Variants in AIMP2 observed in about 807,000 individuals in gnomAD.
AIMP2 encodes the protein aminoacyl tRNA synthetase complex interacting multifunctional protein 2.
AIMP2 carries 20 observed loss-of-function variants against 23.4 expected under a neutral mutation model. The ratio of observed to expected loss-of-function variants is 0.85; its 90% confidence interval spans 0.60 to 1.24. The LOEUF (loss-of-function observed/expected upper bound fraction) is 1.24, where lower values mean the gene tolerates loss of function less well. Among genes scored for constraint, AIMP2 ranks in the 50% most tolerant of loss-of-function variants. AIMP2 has a pLI of 0.00. For missense variants in AIMP2, 515 were observed against 414.5 expected, an observed-to-expected ratio of 1.24 and a Z score of -2.10; for synonymous variants, 210 against 170.4, an observed-to-expected ratio of 1.23 and a Z score of -1.81.
chr7:6,009,964 A>ATATAT (rs1554310799), intron 1 of AIMP2, among the ~76,000 whole-genome samples: 19 of 42,978 alleles, frequency 4.4e-4, no homozygotes, highest in African/African-American at 1.6e-3. Context: ...AAAAAAAAAA[A>ATATAT]AAAAAAAAAA....
chr7:6,019,109 C>T (rs1432395343), intron 3 of AIMP2, among the ~76,000 whole-genome samples: 5 of 151,872 alleles, frequency 3.3e-5, no homozygotes, highest in African/African-American at 4.8e-5. Flanking sequence ...AATAATTTCA[C>T]AGCCGCCTCC....
In AIMP2 at chr7:6,015,334, G is replaced by A; in HGVS notation, c.324G>A (p.Leu108=). ...CTTTAACCACCAATGCGCTGGACTT[G>A]AATTCAGTGCTTGGGAAGGTAGGTT... is the stretch of plus-strand genomic sequence containing the variant. The part of the protein sequence containing the change: ...PTTLTTNALD[L]NSVLGKDYGA... Residue 108 remains leucine, a synonymous_variant, in exon 2 of 4, where the codon TTG becomes TTA. Transcript: ENST00000223029. The A allele has an allele frequency of 6.2e-7, 1 of 1,614,134 alleles. No homozygotes were observed. Among genetic ancestry groups the A allele is most frequent in the Non-Finnish European group, 8.5e-7 (1 of 1,179,992 alleles).
intron 3 of AIMP2, among the ~76,000 whole-genome samples, chr7:6,021,163 C>CT (rs1787380371): frequency 6.6e-6 from 1 of 152,012 alleles, no homozygotes; most frequent in Admixed American, 6.6e-5. Context: ...ACACAGTACT[C>CT]TATGAAATTG....
chr7:6,017,875 T>C lies in AIMP2; in HGVS notation c.404T>C (p.Leu135Pro). The C allele has an allele frequency of 1.2e-6, 2 of 1,614,126 alleles. No individual in the cohort carries two copies. Among genetic ancestry groups the C allele is most frequent in the Non-Finnish European group, 1.7e-6 (2 of 1,180,028 alleles). The part of the protein sequence containing the change: ...NANPASPPLS[L>P]LVLHRLLCEH... The stretch of plus-strand genomic sequence containing the variant: ...AACCCGGCCTCCCCTCCCCTCTCCC[T>C]GCTTGTGCTGCACAGGCTGCTCTGT... Residue 135 changes from leucine to proline, a missense_variant, in exon 3 of 4, where the codon CTG (leucine) becomes CCG (proline). Coordinates refer to ENST00000223029, the MANE Select transcript of AIMP2 (RefSeq NM_006303.4).
At chr7:6,018,279 T>C (rs919117819) in intron 3 of AIMP2, among the ~76,000 whole-genome samples, 1 of 151,016 alleles carries the variant, frequency 6.6e-6, no homozygotes, top group South Asian at 2.1e-4. Context: ...CCTGAGTAGC[T>C]GGGATTACAG....
chr7:6,013,141 G>T, intron 1 of AIMP2: 1 of 213,902 alleles, frequency 4.7e-6, no homozygotes, highest in Non-Finnish European at 8.0e-6. Context: ...ATTGGGTGAG[G>T]TAAGGTAGCC....
intron 1 of AIMP2, among the ~76,000 whole-genome samples, chr7:6,013,867 C>T (rs1281947074): frequency 6.6e-6 from 1 of 151,910 alleles, no homozygotes; most frequent in African/African-American, 2.4e-5. Flanking sequence ...AGGAGGATCA[C>T]TTGAGCCCAG....
intron 3 of AIMP2, among the ~76,000 whole-genome samples, chr7:6,018,870 A>G (rs181574527): frequency 1.3e-5 from 2 of 152,166 alleles, no homozygotes; most frequent in African/African-American, 2.4e-5. Context: ...CAAAACAAGA[A>G]AAAGATATGA....
intron 1 of AIMP2, among the ~76,000 whole-genome samples, chr7:6,009,970 A>ATATACATATAT (rs1170519704): frequency 4.9e-4 from 17 of 34,640 alleles, no homozygotes; most frequent in African/African-American, 1.6e-3. Flanking sequence ...AAAAAAAAAA[A>ATATACATATAT]AAAAATATAT....
intron 3 of AIMP2, among the ~76,000 whole-genome samples, chr7:6,019,178 GT>G (rs1733417160): frequency 6.6e-6 from 1 of 152,084 alleles, no homozygotes; most frequent in African/African-American, 2.4e-5. Context: ...AATCATCTCG[GT>G]GTGAGCAGCT....
At chr7:6,014,296 C>A (rs191886779) in intron 1 of AIMP2, among the ~76,000 whole-genome samples, 1 of 115,552 alleles carries the variant, frequency 8.7e-6, no homozygotes, top group East Asian at 2.9e-4. Context: ...CTTGCTCTGT[C>A]GCCCAGGCTG....
Position 6,023,710 on chromosome 7 carries a change from A to C in AIMP2, c.*19A>C. On this transcript the variant is annotated 3_prime_UTR_variant, in exon 4 of 4. Coordinates refer to ENST00000223029, the MANE Select transcript of AIMP2 (RefSeq NM_006303.4). The stretch of plus-strand genomic sequence containing the variant: ...TAAGTGAATTGCCGTAACTGATTTT[A>C]AAGGGTTTAGATTTTAAGAATGGTG... 2 of 1,614,180 alleles carry C rather than the reference A, an allele frequency of 1.2e-6. No individual in the cohort carries two copies. The highest frequency in any genetic ancestry group is 1.7e-6 in the Non-Finnish European group (2 of 1,180,032).
chr7:6,015,556 C>G (rs1180269396), intron 2 of AIMP2, among the ~76,000 whole-genome samples: 1 of 151,948 alleles, frequency 6.6e-6, no homozygotes. Flanking sequence ...AACCCCATTT[C>G]TACTAAAAAT....
At chr7:6,020,000 G>A (rs1231267497) in intron 3 of AIMP2, among the ~76,000 whole-genome samples, 5 of 135,034 alleles carry the variant, frequency 3.7e-5, no homozygotes, top group Admixed American at 7.9e-5. Flanking sequence ...CCAGCCTGGC[G>A]ACAGAGCGAG....
rs765967124 is a variant in AIMP2 at position 6,023,834 on chromosome 7, A to T, written c.*143A>T. 205 of 1,554,944 alleles carry T rather than the reference A, an allele frequency of 1.3e-4. No homozygotes were observed. The highest frequency in any genetic ancestry group is 1.3e-4 in the Non-Finnish European group (144 of 1,148,952). ...TGTCAATAAAAGCATCATGTAATTT[A>T]TGGTTTTCATTTTATTTAAAATTCA... On this transcript the variant is annotated 3_prime_UTR_variant, in exon 4 of 4. Coordinates refer to ENST00000223029, the MANE Select transcript of AIMP2 (RefSeq NM_006303.4).
chr7:6,017,757 G>A lies in AIMP2; in HGVS notation c.343-57G>A, dbSNP rs977103359. On this transcript the variant is annotated intron_variant, in intron 2 of 3. Coordinates refer to ENST00000223029, the MANE Select transcript of AIMP2 (RefSeq NM_006303.4). ...TGGTTAGGTTCTTAGACTCGCGCCCGGCACAGTGGCACTCTCCGATGACTG... is the reference window on the plus strand; with the variant it reads ...TGGTTAGGTTCTTAGACTCGCGCCCAGCACAGTGGCACTCTCCGATGACTG... The A allele has an allele frequency of 1.8e-5, 27 of 1,496,004 alleles. 1 individual carries two copies. In the East Asian group the frequency reaches 1.9e-4, roughly 11 times the overall value. The allele number at this position is 1,496,004 out of a possible 1,614,324, so 92.7% of individuals were successfully genotyped here.
At chr7:6,019,340 C>T (rs974581479) in intron 3 of AIMP2, among the ~76,000 whole-genome samples, 1 of 151,432 alleles carries the variant, frequency 6.6e-6, no homozygotes, top group African/African-American at 2.4e-5. Context: ...AAAAAATTAG[C>T]CAGGCATGGT....
rs1388468013 is a variant in AIMP2 at position 6,015,722 on chromosome 7, TCAAAA to T, written c.342+376_342+380del. On this transcript the variant is annotated intron_variant, in intron 2 of 3. Transcript: ENST00000223029. ...CTGGGCGACAGAGCGAGACTCCGTC[TCAAAA>T]CAAAAACAAAACTAGCTTTCTGGTT... Among the ~76,000 whole-genome samples, 5 of 152,234 alleles carry T rather than the reference TCAAAA, an allele frequency of 3.3e-5. No individual in the cohort carries two copies. The South Asian group carries it at 8.3e-4, about 25-fold the overall frequency.
chr7:6,015,123 C>T (rs1463853492), intron 1 of AIMP2, 23 bp from the exon 2 acceptor site: 1 of 1,613,796 alleles, frequency 6.2e-7, no homozygotes, highest in East Asian at 2.2e-5. Context: ...AGGAAATGAA[C>T]ATTTGGCTGT....
Sources: gnomAD v4.1 joint callset for allele counts (sites outside exome capture counted in the v4.1 genomes callset) on GRCh38, gnomAD v4.1.1 for gene constraint, MANE v1.5 for transcripts, NCBI Gene and HGNC (gene_info 2026-07-23, HGNC 2026-07-21) for gene names.